Variants in CSNK1E observed in about 807,000 individuals in gnomAD.
CSNK1E encodes casein kinase I isoform epsilon.
In CSNK1E, 17 loss-of-function variants were observed where a neutral mutation model predicts 46.1. The observed-to-expected ratio is 0.37, with a 90% CI of 0.25 to 0.55. The LOEUF (loss-of-function observed/expected upper bound fraction) is 0.55. Ranked by LOEUF, CSNK1E falls within the 20% of genes least tolerant of loss-of-function variation. The probability of loss-of-function intolerance (pLI) is 0.82; values close to 1 mark genes in which losing one functional copy is unlikely to be tolerated. For synonymous variants in CSNK1E, 241 were observed against 242.6 expected, an observed-to-expected ratio of 0.99 and a Z score of 0.06; for missense variants, 386 against 595.4, an observed-to-expected ratio of 0.65 and a Z score of 3.66.
chr22:38,294,603 C>A lies in CSNK1E; in HGVS notation c.886-69G>T, dbSNP rs2092630288. 7 of 1,445,516 alleles carry A rather than the reference C, an allele frequency of 4.8e-6. No individual in the cohort carries two copies. In the South Asian group the frequency reaches 9.1e-5, roughly 19 times the overall value. 89.5% of individuals were successfully genotyped at this position (1,445,516 alleles called of 1,614,324 possible). On this transcript the variant is annotated intron_variant, in intron 7 of 10. Coordinates refer to ENST00000396832, the MANE Select transcript of CSNK1E (RefSeq NM_152221.3). The surrounding 1 kb of genome is among the most constrained non-coding windows in gnomAD (Gnocchi z 5.5). The stretch of plus-strand genomic sequence containing the variant: ...GGGTGCTCTGGGCCCAGCAGCCCTG[C>A]AGGGCACAGAAGGGGAGGGAGGCCA...
chr22:38,306,151 T>C (rs1271446492), intron 2 of CSNK1E, among the ~76,000 whole-genome samples: 1 of 152,188 alleles, frequency 6.6e-6, no homozygotes, highest in East Asian at 1.9e-4. Flanking sequence ...ACAGTGTATA[T>C]TCCACACTCT....
chr22:38,314,298 G>T (rs2092734060), intron 1 of CSNK1E, 129 bp from the exon 2 acceptor site: 2 of 675,998 alleles, frequency 3.0e-6, no homozygotes, highest in African/African-American at 3.5e-5. Context: ...TTCTGCAGGT[G>T]TCAGGTGGCC....
rs1187298349 is a variant in CSNK1E at position 38,314,174 on chromosome 22, A to G, written c.-12-5T>C. 1 of 1,613,282 alleles carries G rather than the reference A, an allele frequency of 6.2e-7. No homozygotes were observed. The highest frequency in any genetic ancestry group is 8.5e-7 in the Non-Finnish European group (1 of 1,179,342). ...TAGCTCCATGGCTCACTCTTGCTGCAGAGGAAGCAGGAACATGAGGGTCAG... is the reference window on the plus strand; with the variant it reads ...TAGCTCCATGGCTCACTCTTGCTGCGGAGGAAGCAGGAACATGAGGGTCAG... On this transcript the variant is annotated splice_region_variant and splice_polypyrimidine_tract_variant and intron_variant, in intron 1 of 10. Transcript: ENST00000396832.
In CSNK1E at chr22:38,296,405, C is replaced by A. The variant is rs550065177; in HGVS notation, c.886-1871G>T. 1.1e-5 allele frequency: 15 copies of A among 1,419,100 alleles called. No individual in the cohort carries two copies. The South Asian group carries it at 2.2e-4, about 20-fold the overall frequency. 87.9% of individuals were successfully genotyped at this position (1,419,100 alleles called of 1,614,324 possible). On this transcript the variant is annotated intron_variant, in intron 7 of 10. Coordinates refer to ENST00000396832, the MANE Select transcript of CSNK1E (RefSeq NM_152221.3). ...CAGGGATCCACAGATCCCAGCACCC[C>A]GGTGCAGCCAACAACACAGGGTGTC...
chr22:38,314,721 G>A lies in CSNK1E; in HGVS notation c.-12-552C>T, dbSNP rs879607091. On this transcript the variant is annotated intron_variant, in intron 1 of 10. Transcript: ENST00000396832. Reference sequence around the variant, plus strand: ...CTTGGATAAACTGTTTGGAGCTGGCGTCCTTTAAGACTAGGAGGGTCTCCT... The same window carrying A: ...CTTGGATAAACTGTTTGGAGCTGGCATCCTTTAAGACTAGGAGGGTCTCCT... 7.2e-5 allele frequency among the ~76,000 whole-genome samples: 11 copies of A among 152,264 alleles called. No individual in the cohort carries two copies. The South Asian group carries it at 8.4e-4, about 12-fold the overall frequency.
chr22:38,306,785 T>C (rs1469914592), intron 2 of CSNK1E, among the ~76,000 whole-genome samples: 3 of 152,016 alleles, frequency 2.0e-5, no homozygotes, highest in African/African-American at 4.8e-5. Context: ...TATCAGCTGA[T>C]ACCTTCGTAT....
In CSNK1E at chr22:38,298,918, G is replaced by A; in HGVS notation, c.753C>T (p.Tyr251=). Residue 251 remains tyrosine (Y), a synonymous_variant, in exon 7 of 11, where the codon TAC becomes TAT. Coordinates refer to ENST00000396832, the MANE Select transcript of CSNK1E (RefSeq NM_152221.3). The surrounding 1 kb of genome is among the most constrained non-coding windows in gnomAD (Gnocchi z 4.2). ...CKGYPSEFST[Y]LNFCRSLRFD... Reference sequence around the variant, plus strand: ...ACCGCAGGGAGCGGCAGAAGTTGAGGTATGTTGAGAATTCGGCTGGAGGGT... The same window carrying A: ...ACCGCAGGGAGCGGCAGAAGTTGAGATATGTTGAGAATTCGGCTGGAGGGT... 1 of 1,614,110 alleles carries A rather than the reference G, an allele frequency of 6.2e-7. No homozygotes were observed. Among genetic ancestry groups the A allele is most frequent in the Non-Finnish European group, 8.5e-7 (1 of 1,179,990 alleles).
intron 2 of CSNK1E, among the ~76,000 whole-genome samples, chr22:38,306,250 T>C (rs938863609): frequency 2.0e-5 from 3 of 152,164 alleles, no homozygotes; most frequent in African/African-American, 7.2e-5. Flanking sequence ...AACATGACTG[T>C]ACAGGGCTAA....
At position 38,294,158 on chromosome 22, in the gene CSNK1E, G is replaced by A. The variant is rs371265489; in HGVS notation, c.1169C>T (p.Ser390Phe). The stretch of plus-strand genomic sequence containing the variant: ...CTCTTGCCGCCCAGTGAGGTCTGAG[G>A]AGGAGACGTTGGCGGGCGCACCCCT... Reference protein sequence around the residue: ...LHRGAPANVSSSDLTGRQEVS... With the variant: ...LHRGAPANVSFSDLTGRQEVS... The change falls in exon 9 of 11, where the codon TCC becomes TTC. Residue 390 changes from serine to phenylalanine, a missense_variant. Around this residue, in one of 2 missense-constraint regions of CSNK1E, gnomAD observed 174 missense variants for 185.2 expected, o/e 0.94. Coordinates refer to ENST00000396832, the MANE Select transcript of CSNK1E (RefSeq NM_152221.3). This position sits in a 1 kb window ranked among gnomAD's most constrained non-coding sequence, Gnocchi z 5.5. 17 of 1,612,136 alleles carry A rather than the reference G, an allele frequency of 1.1e-5. No homozygotes were observed. Among genetic ancestry groups the A allele is most frequent in the Non-Finnish European group, 1.4e-5 (17 of 1,179,750 alleles).
At chr22:38,307,213 C>A (rs572392893) in intron 2 of CSNK1E, among the ~76,000 whole-genome samples, 104 of 151,988 alleles carry the variant, frequency 6.8e-4, no homozygotes, top group African/African-American at 2.3e-3. Context: ...AAATACAGTA[C>A]AATAACTATT....
At chr22:38,293,486 G>A (rs577208212) in intron 9 of CSNK1E, among the ~76,000 whole-genome samples, 167 bp from the exon 10 acceptor site, 64 of 151,738 alleles carry the variant, frequency 4.2e-4, no homozygotes, top group African/African-American at 1.5e-3. Context: ...GGGAAGGCCT[G>A]TGTGATTCCA....
In CSNK1E at chr22:38,300,314, T is replaced by C. The variant is rs1368610065; in HGVS notation, c.566-249A>G. Among the ~76,000 whole-genome samples, 1 of 152,224 alleles carries C rather than the reference T, an allele frequency of 6.6e-6. No homozygotes were observed. The highest frequency in any genetic ancestry group is 1.9e-4 in the East Asian group (1 of 5,202). On this transcript the variant is annotated intron_variant, in intron 5 of 10. Coordinates refer to ENST00000396832, the MANE Select transcript of CSNK1E (RefSeq NM_152221.3). The surrounding 1 kb of genome is among the most constrained non-coding windows in gnomAD (Gnocchi z 4.4). Reference sequence around the variant, plus strand: ...CAGGCACTTAATCATTCAATGACTATGAGAGGGCACCTACTGCCCCCTTGC... The same window carrying C: ...CAGGCACTTAATCATTCAATGACTACGAGAGGGCACCTACTGCCCCCTTGC...
In CSNK1E at chr22:38,294,590, C is replaced by T; in HGVS notation, c.886-56G>A. 3 of 1,482,422 alleles carry T rather than the reference C, an allele frequency of 2.0e-6. No homozygotes were observed. Among genetic ancestry groups the T allele is most frequent in the Non-Finnish European group, 2.7e-6 (3 of 1,105,494 alleles). 91.8% of individuals were successfully genotyped at this position (1,482,422 alleles called of 1,614,324 possible). On this transcript the variant is annotated intron_variant, in intron 7 of 10. Transcript: ENST00000396832. This position sits in a 1 kb window ranked among gnomAD's most constrained non-coding sequence, Gnocchi z 5.5. ...GCCCCAGAGGCCAGGGTGCTCTGGGCCCAGCAGCCCTGCAGGGCACAGAAG... is the reference window on the plus strand; with the variant it reads ...GCCCCAGAGGCCAGGGTGCTCTGGGTCCAGCAGCCCTGCAGGGCACAGAAG...
chr22:38,291,888 T>G lies in CSNK1E; in HGVS notation c.*83A>C, dbSNP rs974637706. On this transcript the variant is annotated 3_prime_UTR_variant, in exon 11 of 11. Coordinates refer to ENST00000396832, the MANE Select transcript of CSNK1E (RefSeq NM_152221.3). ...TTTGTTGTTCTTTTGAGTGGTTTATTTTTGCCTTTTTTTTTTTTTTTTTTT... is the reference window on the plus strand; with the variant it reads ...TTTGTTGTTCTTTTGAGTGGTTTATGTTTGCCTTTTTTTTTTTTTTTTTTT... 2.2e-5 allele frequency: 3 copies of G among 136,390 alleles called. No homozygotes were observed. Among genetic ancestry groups the G allele is most frequent in the Non-Finnish European group, 4.6e-5 (3 of 65,518 alleles). The allele number at this position is 136,390 out of a possible 1,614,324, so 8.4% of individuals were successfully genotyped here.
rs752029097 is a variant in CSNK1E at position 38,294,171 on chromosome 22, C to T, written c.1156G>A (p.Ala386Thr). 4.3e-6 allele frequency: 7 copies of T among 1,612,106 alleles called. No individual in the cohort carries two copies. The highest frequency in any genetic ancestry group is 3.3e-4 in the Middle Eastern group (2 of 6,034). ...VSMRLHRGAP[A>T]NVSSSDLTGR... ...GTGAGGTCTGAGGAGGAGACGTTGG[C>T]GGGCGCACCCCTGTGCAGCCTCATA... is the stretch of plus-strand genomic sequence containing the variant. Residue 386 changes from alanine (A) to threonine (T), a missense_variant, in exon 9 of 11, where the codon GCC (alanine) becomes ACC (threonine). By Grantham distance (58) the Ala-to-Thr change is moderately conservative. Around this residue, in one of 2 missense-constraint regions of CSNK1E, gnomAD observed 174 missense variants for 185.2 expected, o/e 0.94. Transcript: ENST00000396832. The surrounding 1 kb of genome is among the most constrained non-coding windows in gnomAD (Gnocchi z 5.5).
intron 1 of CSNK1E, 102 bp from the exon 2 acceptor site, chr22:38,314,271 C>A: frequency 1.2e-6 from 1 of 844,416 alleles, no homozygotes; most frequent in Non-Finnish European, 1.9e-6. Context: ...CGAAAACCTG[C>A]ATTCTCGAAG....
intron 4 of CSNK1E, 60 bp from the exon 5 acceptor site, chr22:38,301,012 G>C (rs1179441864): frequency 7.0e-7 from 1 of 1,434,018 alleles, no homozygotes; most frequent in African/African-American, 1.4e-5. Context: ...CTCTGGGCCA[G>C]GCAGGGGCTG....
Position 38,299,799 on chromosome 22 carries a change from C to T in CSNK1E, c.736+96G>A, listed in dbSNP as rs1602547186. ...CCAGGACTGCAGGCGTGAACCACCG[C>T]GCCTAGCCCCAGCGTGGGCTTTGTA... is the stretch of plus-strand genomic sequence containing the variant. On this transcript the variant is annotated intron_variant, in intron 6 of 10. Transcript: ENST00000396832. 8 of 1,427,130 alleles carry T rather than the reference C, an allele frequency of 5.6e-6. 1 individual carries two copies. The highest frequency in any genetic ancestry group is 4.6e-5 in the East Asian group (2 of 43,620). 88.4% of individuals were successfully genotyped at this position (1,427,130 alleles called of 1,614,324 possible).
rs577920523 is a variant in CSNK1E, at chr22:38,290,844, C to T, written c.*1127G>A. 3.1e-4 allele frequency: 43 copies of T among 138,752 alleles called. No individual in the cohort carries two copies. The highest frequency in any genetic ancestry group is 1.1e-3 in the African/African-American group (41 of 36,734). 8.6% of individuals were successfully genotyped at this position (138,752 alleles called of 1,614,324 possible). ...TTTTAAATTACAAAGTAATAAAAAG[C>T]TTTGCTCTTTAATTAAAAAAAAAAA... On this transcript the variant is annotated 3_prime_UTR_variant, in exon 11 of 11. Transcript: ENST00000396832.
Sources: allele counts gnomAD v4.1 joint callset (sites outside exome capture counted in the v4.1 genomes callset), GRCh38; gene constraint gnomAD v4.1.1; regional missense constraint gnomAD v4.1.1; non-coding constraint Gnocchi (gnomAD v3.1); transcripts MANE v1.5; gene names NCBI Gene and HGNC (gene_info 2026-07-23, HGNC 2026-07-21).